ASIP: variants seen among roughly 807,000 people sequenced by gnomAD.
ASIP encodes agouti signaling protein.
In ASIP, 11 loss-of-function variants were observed where a neutral mutation model predicts 10.3. The ratio of observed to expected loss-of-function variants is 1.07; its 90% CI spans 0.68 to 1.78. The LOEUF (loss-of-function observed/expected upper bound fraction) is 1.78, where lower values mean the gene tolerates loss of function less well. ASIP is among the 40% of genes most tolerant of loss of function. The pLI, the probability that ASIP is intolerant of heterozygous loss-of-function variation, is 0.00. For missense variants in ASIP, 180 were observed against 169.2 expected (o/e 1.06, Z -0.35); for synonymous variants, 70 against 70.8 (o/e 0.99, Z 0.06).
intron 1 of ASIP, among the ~76,000 whole-genome samples, chr20:34,256,734 C>T (rs2035575941): frequency 6.6e-6 from 1 of 152,200 alleles, no homozygotes. Context: ...CGTACCGCCT[C>T]CTAATTTATA....
At chr20:34,205,464 G>T (rs2034929143) in intron 1 of ASIP, among the ~76,000 whole-genome samples, 4 of 151,650 alleles carry the variant, frequency 2.6e-5, no homozygotes, top group African/African-American at 9.8e-5. Context: ...GACCTTCTCG[G>T]TGAGTGTTAC....
intron 1 of ASIP, among the ~76,000 whole-genome samples, chr20:34,252,691 C>G (rs1385253965): frequency 6.6e-6 from 1 of 152,142 alleles, no homozygotes; most frequent in Non-Finnish European, 1.5e-5. Context: ...AGCACAGACC[C>G]TTTATGGGTG....
At chr20:34,236,740 T>G (rs570067071), upstream of ASIP, among the ~76,000 whole-genome samples, 17 of 152,324 alleles carry the variant, frequency 1.1e-4, no homozygotes, top group East Asian at 2.9e-3. Flanking sequence ...AATATGCAAG[T>G]GCTGATACGA....
At chr20:34,201,252 T>C (rs1397464242) in intron 1 of ASIP, among the ~76,000 whole-genome samples, 1 of 152,052 alleles carries the variant, frequency 6.6e-6, no homozygotes, top group Non-Finnish European at 1.5e-5. Context: ...GGCTTTAGAT[T>C]TGGACACACA....
intron 1 of ASIP, among the ~76,000 whole-genome samples, chr20:34,203,783 G>A (rs2034916740): frequency 6.6e-6 from 1 of 151,958 alleles, no homozygotes; most frequent in African/African-American, 2.4e-5. Flanking sequence ...GAGTGCAATG[G>A]CACGATCCTG....
chr20:34,248,309 G>A (rs2035414578), intron 1 of ASIP, among the ~76,000 whole-genome samples: 1 of 152,036 alleles, frequency 6.6e-6, no homozygotes, highest in Non-Finnish European at 1.5e-5. Context: ...ACAACTTTGG[G>A]GAAAAACATT....
chr20:34,253,364 C>G (rs1199583503), intron 1 of ASIP, among the ~76,000 whole-genome samples: 1 of 151,880 alleles, frequency 6.6e-6, no homozygotes, highest in African/African-American at 2.4e-5. Context: ...CCTCAGCCTC[C>G]CAAAGTGCTG....
intron 1 of ASIP, among the ~76,000 whole-genome samples, chr20:34,247,899 G>A (rs1446220199): frequency 6.6e-6 from 1 of 152,018 alleles, no homozygotes; most frequent in African/African-American, 2.4e-5. Context: ...GCCCTGTCTT[G>A]TATGACTTTT....
intron 1 of ASIP, chr20:34,215,067 G>A: frequency 6.5e-7 from 1 of 1,545,604 alleles, no homozygotes. Flanking sequence ...TGCTGAAAAA[G>A]CCAGCAGACT....
At chr20:34,236,100 G>A (rs2035206093) in intron 1 of ASIP, among the ~76,000 whole-genome samples, 1 of 147,198 alleles carries the variant, frequency 6.8e-6, no homozygotes, top group Non-Finnish European at 1.5e-5. Context: ...GAAGGAAGGA[G>A]AAAGAAAGGA....
chr20:34,209,269 T>C (rs551571362), intron 1 of ASIP, among the ~76,000 whole-genome samples: 3 of 152,340 alleles, frequency 2.0e-5, no homozygotes, highest in South Asian at 2.1e-4. Context: ...GGGAGCTCTC[T>C]GGGTGCAGCT....
intron 1 of ASIP, among the ~76,000 whole-genome samples, chr20:34,235,296 C>T (rs1445056476): frequency 6.6e-6 from 1 of 152,110 alleles, no homozygotes; most frequent in African/African-American, 2.4e-5. Context: ...AAAAATTAGC[C>T]AGGCGAGGTG....
chr20:34,263,523 G>A (rs548809850), intron 3 of ASIP, among the ~76,000 whole-genome samples: 74 of 152,186 alleles, frequency 4.9e-4, no homozygotes, highest in African/African-American at 1.6e-3. Context: ...TTGAGCCATT[G>A]CACTCCAGCC....
At chr20:34,203,087 C>T (rs2034911698) in intron 1 of ASIP, among the ~76,000 whole-genome samples, 1 of 151,802 alleles carries the variant, frequency 6.6e-6, no homozygotes, top group Middle Eastern at 3.2e-3. Flanking sequence ...GGATTACAGG[C>T]GTGAGCCTTG....
chr20:34,226,255 T>C (rs2035092327), intron 1 of ASIP, among the ~76,000 whole-genome samples: 1 of 152,250 alleles, frequency 6.6e-6, no homozygotes, highest in African/African-American at 2.4e-5. Flanking sequence ...ATTGTCCATG[T>C]AATTTGCCAT....
At chr20:34,245,017 G>A (rs887923703) in intron 1 of ASIP, among the ~76,000 whole-genome samples, 7 of 152,048 alleles carry the variant, frequency 4.6e-5, no homozygotes, top group African/African-American at 9.6e-5. Context: ...AAAGTCTACC[G>A]GGTTTTTCAA....
the ASIP span, among the ~76,000 whole-genome samples, chr20:34,188,716 T>A: frequency 1.3e-5 from 2 of 152,188 alleles, no homozygotes; most frequent in Non-Finnish European, 2.9e-5. Context: ...ATTAGTTGAT[T>A]TAAAGAAAAA....
chr20:34,243,760 A>T (rs1291789310), intron 1 of ASIP, among the ~76,000 whole-genome samples: 6 of 145,854 alleles, frequency 4.1e-5, no homozygotes, highest in African/African-American at 1.5e-4. Flanking sequence ...ATTGTATTTA[A>T]AAAAAAAAAA....
At chr20:34,232,021 G>A (rs1488280402) in intron 1 of ASIP, among the ~76,000 whole-genome samples, 1 of 152,208 alleles carries the variant, frequency 6.6e-6, no homozygotes, top group African/African-American at 2.4e-5. Flanking sequence ...ACAGCAAGCA[G>A]CATGAGCATT....
Sources: gnomAD v4.1 joint callset for allele counts (sites outside exome capture counted in the v4.1 genomes callset) on GRCh38, gnomAD v4.1.1 for gene constraint, MANE v1.5 for transcripts, NCBI Gene and HGNC (gene_info 2026-07-23, HGNC 2026-07-21) for gene names.